Variants in OR10K1 observed in about 807,000 individuals in gnomAD.
OR10K1 encodes the protein olfactory receptor 10K1.
For synonymous variants in OR10K1, 186 were observed against 152.5 expected, an observed-to-expected ratio of 1.22 and a Z score of -1.62; for missense variants, 404 against 373.3, an observed-to-expected ratio of 1.08 and a Z score of -0.68.
rs1656029395 is a variant in OR10K1, at chr1:158,466,015, G to A, written c.454G>A (p.Gly152Ser). ...ACTAATGGCTGCTGCCTGTGCCTGT[G>A]GCTTCACTGTCTCCCTGGTCACCAC... ...MGLMAAACAC[G>S]FTVSLVTTSL... The change falls in exon 2 of 2, where the codon GGC becomes AGC. Residue 152 changes from glycine (G) to serine (S), a missense_variant. Transcript: ENST00000641535. The A allele has an allele frequency of 6.2e-7, 1 of 1,613,914 alleles. No individual in the cohort carries two copies.
chr1:158,465,436 C>A lies in OR10K1; in HGVS notation c.-126C>A. 1.4e-6 allele frequency: 1 copy of A among 712,306 alleles called. No individual in the cohort carries two copies. Among genetic ancestry groups the A allele is most frequent in the Non-Finnish European group, 2.3e-6 (1 of 426,476 alleles). 44.1% of individuals were successfully genotyped at this position (712,306 alleles called of 1,614,324 possible). On this transcript the variant is annotated 5_prime_UTR_variant, in exon 2 of 2. Coordinates refer to ENST00000641535, the MANE Select transcript of OR10K1 (RefSeq NM_001004473.2). ...ATTTTAATGGGGGAATGAAGAATTCCATCAAATATCTGGAAATGCCTGCCA... is the reference window on the plus strand; with the variant it reads ...ATTTTAATGGGGGAATGAAGAATTCAATCAAATATCTGGAAATGCCTGCCA...
At chr1:158,465,071 T>C (rs891036502) in intron 1 of OR10K1, among the ~76,000 whole-genome samples, 3 of 152,268 alleles carry the variant, frequency 2.0e-5, no homozygotes, top group African/African-American at 7.2e-5. Context: ...CTCACATCTT[T>C]ACTTAGAGAC....
At chr1:158,464,257 C>G (rs1655987207) in intron 1 of OR10K1, among the ~76,000 whole-genome samples, 1 of 151,934 alleles carries the variant, frequency 6.6e-6, no homozygotes, top group Non-Finnish European at 1.5e-5. Context: ...GAAAAATGTT[C>G]CAGTGAAAAA....
In OR10K1 at chr1:158,466,466, G is replaced by A. The variant is rs746569386; in HGVS notation, c.905G>A (p.Arg302Gln). The change falls in exon 2 of 2, where the codon CGA becomes CAA. Residue 302 changes from arginine to glutamine, a missense_variant. Arg to Gln is a conservative substitution (Grantham distance 43). Transcript: ENST00000641535. Reference protein sequence around the residue: ...LRNKEFKSALRRTIGQTFYPL... With the variant: ...LRNKEFKSALQRTIGQTFYPL... ...AATAAGGAATTCAAATCAGCCCTAC[G>A]AAGAACAATCGGCCAAACTTTCTAT... 8 of 1,613,950 alleles carry A rather than the reference G, an allele frequency of 5.0e-6. No homozygotes were observed. Among genetic ancestry groups the A allele is most frequent in the Non-Finnish European group, 6.8e-6 (8 of 1,179,902 alleles).
intron 1 of OR10K1, among the ~76,000 whole-genome samples, chr1:158,464,762 C>T (rs1655999487): frequency 6.6e-6 from 1 of 152,140 alleles, no homozygotes; most frequent in African/African-American, 2.4e-5. Context: ...GAATCTCATG[C>T]CTCAGCCTCC....
chr1:158,466,617 A>G lies in OR10K1; in HGVS notation c.*114A>G. The G allele has an allele frequency of 1.5e-6, 1 of 675,850 alleles. No individual in the cohort carries two copies. The highest frequency in any genetic ancestry group is 2.6e-6 in the Non-Finnish European group (1 of 391,198). 41.9% of individuals were successfully genotyped at this position (675,850 alleles called of 1,614,324 possible). ...ACTGTAACATAAGAACATTTTACATATGAGAAGAATGAGGCTCACAGAAGT... is the reference window on the plus strand; with the variant it reads ...ACTGTAACATAAGAACATTTTACATGTGAGAAGAATGAGGCTCACAGAAGT... On this transcript the variant is annotated 3_prime_UTR_variant, in exon 2 of 2. Transcript: ENST00000641535.
rs1571287052 is a variant in OR10K1, at chr1:158,466,565, T to A, written c.*62T>A. Reference sequence around the variant, plus strand: ...CCAGGCAGAACGTGTGTTTTATACATTTTTTTTCATTTAATTGTCCAGCTC... The same window carrying A: ...CCAGGCAGAACGTGTGTTTTATACAATTTTTTTCATTTAATTGTCCAGCTC... On this transcript the variant is annotated 3_prime_UTR_variant, in exon 2 of 2. Transcript: ENST00000641535. 5.5e-6 allele frequency: 1 copy of A among 181,806 alleles called. No individual in the cohort carries two copies. Among genetic ancestry groups the A allele is most frequent in the Non-Finnish European group, 9.2e-6 (1 of 108,512 alleles). The allele number at this position is 181,806 out of a possible 1,614,324, so 11.3% of individuals were successfully genotyped here.
rs201514015 is a variant in OR10K1 at position 158,465,952 on chromosome 1, C to T, written c.391C>T (p.Arg131Cys). 68 of 1,614,178 alleles carry T rather than the reference C, an allele frequency of 4.2e-5. No individual in the cohort carries two copies. In the East Asian group the frequency reaches 8.9e-4, roughly 21 times the overall value. Residue 131 changes from arginine (R) to cysteine (C), a missense_variant, in exon 2 of 2, where the codon CGC (arginine) becomes TGC (cysteine). Coordinates refer to ENST00000641535, the MANE Select transcript of OR10K1 (RefSeq NM_001004473.2). ...DRYMAICNPL[R>C]YSVLMGHGVC... Reference sequence around the variant, plus strand: ...CTATATGGCCATCTGTAACCCACTGCGCTACTCAGTGCTCATGGGACATGG... The same window carrying T: ...CTATATGGCCATCTGTAACCCACTGTGCTACTCAGTGCTCATGGGACATGG...
chr1:158,463,348 G>A (rs776455709), intron 1 of OR10K1, among the ~76,000 whole-genome samples: 3 of 152,146 alleles, frequency 2.0e-5, no homozygotes, highest in Non-Finnish European at 4.4e-5. Flanking sequence ...TGAGCAGATG[G>A]GGGCTGCCTT....
Position 158,466,324 on chromosome 1 carries a change from GCCTCTTTCAT to G in OR10K1, c.765_774del (p.Ser256ThrfsTer2), listed in dbSNP as rs1656039734. 3 of 1,613,960 alleles carry G rather than the reference GCCTCTTTCAT, an allele frequency of 1.9e-6. No individual in the cohort carries two copies. The highest frequency in any genetic ancestry group is 2.5e-6 in the Non-Finnish European group (3 of 1,180,010). ...TGTGGTAACTGTTCACTACAGTTGT[GCCTCTTTCAT>G]CTACTTAAGGCCCAAGACTAATTAC... On this transcript the variant is annotated frameshift_variant, in exon 2 of 2. Coordinates refer to ENST00000641535, the MANE Select transcript of OR10K1 (RefSeq NM_001004473.2). LOFTEE classifies it low-confidence loss of function (END_TRUNC).
At position 158,464,505 on chromosome 1, in the gene OR10K1, T is replaced by A. The variant is rs6679933; in HGVS notation, c.-156-901T>A. ...TCTTATTTCTCTGAGTTTCTCCAAG[T>A]TAGCTCAGCATGGAAAAGTGAAGTG... On this transcript the variant is annotated intron_variant, in intron 1 of 1. Coordinates refer to ENST00000641535, the MANE Select transcript of OR10K1 (RefSeq NM_001004473.2). Among the ~76,000 whole-genome samples the A allele has an allele frequency of 3.8e-3, 580 of 152,308 alleles. 4 individuals are homozygous for A. Among genetic ancestry groups the A allele is most frequent in the African/African-American group, 0.013 (557 of 41,588 alleles).
At position 158,466,113 on chromosome 1, in the gene OR10K1, C is replaced by T. The variant is rs1656032531; in HGVS notation, c.552C>T (p.Val184=). Residue 184 remains valine, a synonymous_variant, in exon 2 of 2, where the codon GTC becomes GTT. Coordinates refer to ENST00000641535, the MANE Select transcript of OR10K1 (RefSeq NM_001004473.2). The part of the protein sequence containing the change: ...LHHFFCDISP[V]LKLASQHSGF... Reference sequence around the variant, plus strand: ...ACTTCTTCTGTGACATCTCCCCTGTCCTTAAACTGGCATCTCAGCACTCCG... The same window carrying T: ...ACTTCTTCTGTGACATCTCCCCTGTTCTTAAACTGGCATCTCAGCACTCCG... The T allele has an allele frequency of 2.5e-6, 4 of 1,613,904 alleles. No homozygotes were observed. Among genetic ancestry groups the T allele is most frequent in the Non-Finnish European group, 3.4e-6 (4 of 1,179,906 alleles).
chr1:158,465,707 T>C lies in OR10K1; in HGVS notation c.146T>C (p.Ile49Thr), dbSNP rs140297251. The change falls in exon 2 of 2, where the codon ATT (isoleucine) becomes ACT (threonine). Residue 49 changes from isoleucine (I) to threonine (T), a missense_variant. Physicochemically the swap from Ile to Thr is moderately conservative, Grantham distance 89 (BLOSUM62 -1). Transcript: ENST00000641535. ...ACCAATGCAATCATCATTTCCACCA[T>C]TGTGCTGGACAGAGCCCTTCATACT... ...LGTNAIIIST[I>T]VLDRALHTPM... is the part of the protein sequence containing the mutation. The C allele has an allele frequency of 2.8e-4, 445 of 1,614,190 alleles. 2 individuals are homozygous for C. In the South Asian group the frequency reaches 3.3e-3, roughly 12 times the overall value.
In OR10K1 at chr1:158,466,067, A is replaced by G; in HGVS notation, c.506A>G (p.His169Arg). The G allele has an allele frequency of 6.2e-7, 1 of 1,612,010 alleles. No individual in the cohort carries two copies. The highest frequency in any genetic ancestry group is 8.5e-7 in the Non-Finnish European group (1 of 1,179,466). ...TTSLVFHLPF[H>R]SSNQLHHFFC... ...TCCCTAGTATTTCATCTGCCCTTCCACTCCTCCAACCAGCTCCATCACTTC... is the reference window on the plus strand; with the variant it reads ...TCCCTAGTATTTCATCTGCCCTTCCGCTCCTCCAACCAGCTCCATCACTTC... Residue 169 changes from histidine to arginine, a missense_variant, in exon 2 of 2, where the codon CAC becomes CGC. Transcript: ENST00000641535.
chr1:158,462,134 G>C (rs147566732), intron 1 of OR10K1, among the ~76,000 whole-genome samples: 2,755 of 152,052 alleles, frequency 0.018, 37 homozygotes, highest in Non-Finnish European at 0.028. Context: ...AAAAAAATTA[G>C]CCAGGCATGG....
chr1:158,465,190 G>A (rs1656008550), intron 1 of OR10K1, among the ~76,000 whole-genome samples: 1 of 152,160 alleles, frequency 6.6e-6, no homozygotes, highest in Non-Finnish European at 1.5e-5. Context: ...ATCAGCTTCA[G>A]GTAGCTGAAG....
chr1:158,466,179 C>T lies in OR10K1; in HGVS notation c.618C>T (p.Ala206=). 6.2e-7 allele frequency: 1 copy of T among 1,614,122 alleles called. No homozygotes were observed. The highest frequency in any genetic ancestry group is 8.5e-7 in the Non-Finnish European group (1 of 1,180,012). Residue 206 remains alanine (A), a synonymous_variant, in exon 2 of 2, where the codon GCC becomes GCT. Coordinates refer to ENST00000641535, the MANE Select transcript of OR10K1 (RefSeq NM_001004473.2). ...QLVIFMLGVF[A]LVIPLLLILV... is the part of the protein sequence containing the mutation. ...TCATATTCATGCTTGGTGTATTTGC[C>T]TTGGTCATTCCTCTGCTACTTATCC...
At position 158,463,223 on chromosome 1, in the gene OR10K1, A is replaced by G. The variant is rs56693363; in HGVS notation, c.-157+1319A>G. Among the ~76,000 whole-genome samples, 660 of 152,230 alleles carry G rather than the reference A, an allele frequency of 4.3e-3. 3 individuals are homozygous for G. Among genetic ancestry groups the G allele is most frequent in the East Asian group, 0.031 (162 of 5,188 alleles). On this transcript the variant is annotated intron_variant, in intron 1 of 1. Transcript: ENST00000641535. ...TTTCACATCACCCTAAAGATCTTTC[A>G]TCTTCATTTTACAGCTTGAACGTAT...
rs1656036344 is a variant in OR10K1 at position 158,466,213 on chromosome 1, T to G, written c.652T>G (p.Tyr218Asp). 6.2e-7 allele frequency: 1 copy of G among 1,614,166 alleles called. No individual in the cohort carries two copies. Among genetic ancestry groups the G allele is most frequent in the Non-Finnish European group, 8.5e-7 (1 of 1,180,022 alleles). The change falls in exon 2 of 2, where the codon TAC becomes GAC. Residue 218 changes from tyrosine to aspartate, a missense_variant. By Grantham distance (160) the Tyr-to-Asp change is radical (BLOSUM62 -3). Transcript: ENST00000641535. ...TCCTCTGCTACTTATCCTAGTCTCC[T>G]ACATCCGCATCATCTCTGCCATTCT... ...VIPLLLILVS[Y>D]IRIISAILKI... is the part of the protein sequence containing the mutation.
Sources: allele counts gnomAD v4.1 joint callset (sites outside exome capture counted in the v4.1 genomes callset), GRCh38; gene constraint gnomAD v4.1.1; transcripts MANE v1.5; gene names NCBI Gene and HGNC (gene_info 2026-07-23, HGNC 2026-07-21).